Variants in FAM81A observed in about 807,000 individuals in gnomAD.
FAM81A encodes the protein protein FAM81A.
A neutral mutation model predicts 46.7 loss-of-function variants in FAM81A; 19 were observed. The ratio of observed to expected loss-of-function variants is 0.41; its 90% confidence interval spans 0.28 to 0.60. FAM81A has a LOEUF of 0.60. Ranked by LOEUF, FAM81A falls within the 20% of genes least tolerant of loss-of-function variation. The pLI is 0.34. For synonymous variants in FAM81A, 183 were observed against 152.9 expected (o/e 1.20, Z -1.45); for missense variants, 377 against 453.5 (o/e 0.83, Z 1.53).
At chr15:59,511,437 G>A (rs1381669073) in intron 6 of FAM81A, among the ~76,000 whole-genome samples, 1 of 152,176 alleles carries the variant, frequency 6.6e-6, no homozygotes, top group East Asian at 1.9e-4. Flanking sequence ...GAAATCCAAA[G>A]GACACGGGTT....
intron 3 of FAM81A, among the ~76,000 whole-genome samples, chr15:59,476,347 C>T (rs969898596): frequency 2.0e-5 from 3 of 151,890 alleles, no homozygotes; most frequent in African/African-American, 4.8e-5. Context: ...CTTGGTCTTC[C>T]GAAGTGCTGG....
intron 4 of FAM81A, among the ~76,000 whole-genome samples, chr15:59,498,906 C>T (rs1476782386): frequency 2.0e-5 from 3 of 152,106 alleles, no homozygotes; most frequent in Non-Finnish European, 4.4e-5. Flanking sequence ...CCACCTGCCT[C>T]GGCCTTAGGA....
chr15:59,456,101 A>G (rs544489191), intron 1 of FAM81A, among the ~76,000 whole-genome samples: 2 of 152,350 alleles, frequency 1.3e-5, no homozygotes, highest in African/African-American at 4.8e-5. Context: ...ACAAACAGAT[A>G]AAGAGCTGGA....
chr15:59,398,611 A>T (rs1201826048), intron 1 of FAM81A, among the ~76,000 whole-genome samples: 9 of 151,670 alleles, frequency 5.9e-5, no homozygotes, highest in Non-Finnish European at 1.5e-5. Context: ...AAAGAAAATT[A>T]TTGGGGATTG....
At chr15:59,502,241 T>C (rs1317120897) in intron 4 of FAM81A, among the ~76,000 whole-genome samples, 2 of 151,724 alleles carry the variant, frequency 1.3e-5, no homozygotes, top group Non-Finnish European at 2.9e-5. Context: ...TGCAGGTTAG[T>C]TACATATGTA....
intron 4 of FAM81A, among the ~76,000 whole-genome samples, chr15:59,500,402 A>AC (rs1333596851): frequency 1.3e-5 from 2 of 150,638 alleles, no homozygotes; most frequent in Non-Finnish European, 3.0e-5. Flanking sequence ...GGCTCAAGCG[A>AC]CCCCCCAACT....
rs562870228 is a variant in FAM81A at position 59,456,288 on chromosome 15, G to A, written c.-77-2262G>A. Among the ~76,000 whole-genome samples, 8 of 152,132 alleles carry A rather than the reference G, an allele frequency of 5.3e-5. No individual in the cohort carries two copies. In the East Asian group the frequency reaches 1.4e-3, roughly 26 times the overall value. ...CAAGGACGGTGGTGGATGGGGTGGC[G>A]GGGGCGGGGGTTCCCGGTGACTGGA... On this transcript the variant is annotated intron_variant, in intron 1 of 8. Transcript: ENST00000288228.
At chr15:59,487,744 G>C (rs1240563100) in intron 3 of FAM81A, among the ~76,000 whole-genome samples, 1 of 152,006 alleles carries the variant, frequency 6.6e-6, no homozygotes, top group Admixed American at 6.6e-5. Context: ...AACAAGTAAC[G>C]AGATTGAAGC....
At chr15:59,417,790 C>A (rs2081153623) in intron 2 of FAM81A, among the ~76,000 whole-genome samples, 1 of 151,756 alleles carries the variant, frequency 6.6e-6, no homozygotes, top group Admixed American at 6.6e-5. Flanking sequence ...TTTTATTATA[C>A]TTTAAAGTTC....
At chr15:59,411,310 A>G (rs748510315) in intron 2 of FAM81A, among the ~76,000 whole-genome samples, 11 of 152,150 alleles carry the variant, frequency 7.2e-5, no homozygotes, top group East Asian at 1.9e-4. Flanking sequence ...CTGGGAGCCC[A>G]GGACTGGACT....
chr15:59,502,338 C>T (rs1015670451), intron 4 of FAM81A, among the ~76,000 whole-genome samples: 27 of 151,622 alleles, frequency 1.8e-4, no homozygotes, highest in African/African-American at 5.9e-4. Context: ...CCCGCTCCCC[C>T]CCCAACAACA....
At chr15:59,473,947 G>A (rs1187079913) in intron 3 of FAM81A, among the ~76,000 whole-genome samples, 2 of 152,156 alleles carry the variant, frequency 1.3e-5, no homozygotes, top group South Asian at 2.1e-4. Flanking sequence ...AAAGTGTTGG[G>A]ATTACAGGCA....
At chr15:59,517,207 G>T (rs543993345) in intron 8 of FAM81A, among the ~76,000 whole-genome samples, 4 of 152,288 alleles carry the variant, frequency 2.6e-5, no homozygotes, top group African/African-American at 9.6e-5. Context: ...AGTGCTAGCA[G>T]TACAGTACCA....
chr15:59,460,486 G>A lies in FAM81A; in HGVS notation c.294+280G>A. 2 of 492,686 alleles carry A rather than the reference G, an allele frequency of 4.1e-6. No individual in the cohort carries two copies. The highest frequency in any genetic ancestry group is 7.4e-6 in the Non-Finnish European group (2 of 270,222). 30.5% of individuals were successfully genotyped at this position (492,686 alleles called of 1,614,324 possible). A position where few individuals can be genotyped will look rare whatever the true frequency, so the allele number is the denominator to read the frequency against. On this transcript the variant is annotated intron_variant, in intron 3 of 8. Transcript: ENST00000288228. The surrounding 1 kb of genome is among the most constrained non-coding windows in gnomAD (Gnocchi z 4.4). ...TTTATTTTGTTTGGCTCTTAATGAAGAGAGAGAAGAACTAGTCGAATAGTT... is the reference window on the plus strand; with the variant it reads ...TTTATTTTGTTTGGCTCTTAATGAAAAGAGAGAAGAACTAGTCGAATAGTT...
At chr15:59,413,490 A>T (rs1273247046) in intron 2 of FAM81A, among the ~76,000 whole-genome samples, 1 of 151,710 alleles carries the variant, frequency 6.6e-6, no homozygotes, top group South Asian at 2.1e-4. Context: ...ACACCCTGTG[A>T]ACTGAGGAAT....
chr15:59,456,074 A>G (rs2081479822), intron 1 of FAM81A, among the ~76,000 whole-genome samples: 1 of 152,172 alleles, frequency 6.6e-6, no homozygotes, highest in Non-Finnish European at 1.5e-5. Context: ...AAAAGAATAG[A>G]GCACAATAAA....
chr15:59,423,396 T>C (rs1285084277), intron 2 of FAM81A, among the ~76,000 whole-genome samples: 1 of 152,170 alleles, frequency 6.6e-6, no homozygotes, highest in East Asian at 1.9e-4. Flanking sequence ...TCGCGCCTGG[T>C]CTGAAATGAG....
At chr15:59,501,106 C>A in intron 4 of FAM81A, among the ~76,000 whole-genome samples, 1 of 151,922 alleles carries the variant, frequency 6.6e-6, no homozygotes. Context: ...GGATACAAGC[C>A]CTCTAAGCTT....
At chr15:59,495,834 C>G (rs2082027668) in intron 4 of FAM81A, among the ~76,000 whole-genome samples, 1 of 152,160 alleles carries the variant, frequency 6.6e-6, no homozygotes, top group African/African-American at 2.4e-5. Context: ...AATATTTATT[C>G]AGATTCCTTG....
Sources: allele counts gnomAD v4.1 joint callset (sites outside exome capture counted in the v4.1 genomes callset), GRCh38; gene constraint gnomAD v4.1.1; non-coding constraint Gnocchi (gnomAD v3.1); transcripts MANE v1.5; gene names NCBI Gene and HGNC (gene_info 2026-07-23, HGNC 2026-07-21).